The following USP32 variants were observed in gnomAD, a reference collection of about 807,000 sequenced individuals.
USP32 encodes the protein ubiquitin carboxyl-terminal hydrolase 32.
Under a neutral mutation model 204.8 loss-of-function variants are expected in USP32, and 59 were observed. The ratio of observed to expected loss-of-function variants is 0.29; its 90% CI spans 0.23 to 0.36. The LOEUF (loss-of-function observed/expected upper bound fraction) is 0.36. Ranked by LOEUF, USP32 falls within the 10% of genes least tolerant of loss-of-function variation. The pLI is 1.00. For missense variants in USP32, 1,160 were observed against 1,946.4 expected (o/e 0.60, Z 7.60); for synonymous variants, 517 against 678.4 (o/e 0.76, Z 3.70).
chr17:60,202,663 T>G, intron 26 of USP32, among the ~76,000 whole-genome samples: 1 of 152,036 alleles, frequency 6.6e-6, no homozygotes, highest in South Asian at 2.1e-4. Context: ...GTGTCATTTT[T>G]AAAGTTTATT....
At chr17:60,185,161 C>T (rs1407753841) in intron 30 of USP32, among the ~76,000 whole-genome samples, 1 of 152,204 alleles carries the variant, frequency 6.6e-6, no homozygotes. Flanking sequence ...TTTAACCTCT[C>T]TTGAAGTTCA....
chr17:60,190,136 A>C (rs2084341297), intron 29 of USP32, among the ~76,000 whole-genome samples: 1 of 152,162 alleles, frequency 6.6e-6, no homozygotes, highest in Non-Finnish European at 1.5e-5. Flanking sequence ...GCGGGCTGTT[A>C]GAAAGCGAGG....
intron 1 of USP32, among the ~76,000 whole-genome samples, chr17:60,377,257 T>C (rs1214526522): frequency 3.3e-5 from 5 of 152,162 alleles, no homozygotes; most frequent in Non-Finnish European, 1.5e-5. Context: ...GCCAAGAGTT[T>C]GAGACCAGCC....
intron 1 of USP32, among the ~76,000 whole-genome samples, chr17:60,388,912 C>G (rs2089780234): frequency 6.6e-6 from 1 of 152,192 alleles, no homozygotes; most frequent in Non-Finnish European, 1.5e-5. Context: ...TAACATAACA[C>G]TTCGTTTCCA....
At chr17:60,332,228 G>C (rs1468866047) in intron 2 of USP32, among the ~76,000 whole-genome samples, 1 of 152,068 alleles carries the variant, frequency 6.6e-6, no homozygotes, top group Non-Finnish European at 1.5e-5. Flanking sequence ...ACTCCAGCCT[G>C]GGTGACAGAG....
At chr17:60,341,939 T>G (rs2088669664) in intron 2 of USP32, among the ~76,000 whole-genome samples, 1 of 152,230 alleles carries the variant, frequency 6.6e-6, no homozygotes, top group Non-Finnish European at 1.5e-5. Context: ...CCTGCTTTGT[T>G]CTGTTGCTGG....
In USP32 at chr17:60,336,489, G is replaced by A. The variant is rs1260648373; in HGVS notation, c.186+8992C>T. On this transcript the variant is annotated intron_variant, in intron 2 of 33. Coordinates refer to ENST00000300896, the MANE Select transcript of USP32 (RefSeq NM_032582.4). Reference sequence around the variant, plus strand: ...CCAGCACTTTGGGAGGCCGAGGCGGGCGGATCACGAGGTCAAGAGATCGAG... The same window carrying A: ...CCAGCACTTTGGGAGGCCGAGGCGGACGGATCACGAGGTCAAGAGATCGAG... Among the ~76,000 whole-genome samples the A allele has an allele frequency of 3.5e-5, 5 of 141,602 alleles. 2 individuals carry two copies. Among genetic ancestry groups the A allele is most frequent in the Admixed American group, 2.1e-4 (3 of 14,614 alleles). 92.9% of individuals were successfully genotyped at this position (141,602 alleles called of 152,430 possible).
At chr17:60,339,952 CT>C (rs1277212540) in intron 2 of USP32, among the ~76,000 whole-genome samples, 1 of 152,162 alleles carries the variant, frequency 6.6e-6, no homozygotes, top group African/African-American at 2.4e-5. Flanking sequence ...CAACTGGCAG[CT>C]TGTGTAGTCC....
chr17:60,296,577 G>T (rs1376000419), intron 3 of USP32, among the ~76,000 whole-genome samples: 1 of 152,104 alleles, frequency 6.6e-6, no homozygotes, highest in East Asian at 1.9e-4. Flanking sequence ...ACTATGAGAC[G>T]GTAAATATCT....
At chr17:60,320,177 C>A (rs1054222221) in intron 2 of USP32, among the ~76,000 whole-genome samples, 5 of 152,032 alleles carry the variant, frequency 3.3e-5, no homozygotes, top group African/African-American at 1.2e-4. Flanking sequence ...CAAATGACAC[C>A]AGGTAGAATG....
At chr17:60,368,624 T>C (rs1353731131) in intron 1 of USP32, among the ~76,000 whole-genome samples, 1 of 151,972 alleles carries the variant, frequency 6.6e-6, no homozygotes, top group Non-Finnish European at 1.5e-5. Flanking sequence ...CAAAAACTAT[T>C]AAAACTAAGA....
At chr17:60,320,637 T>G (rs1167869896) in intron 2 of USP32, among the ~76,000 whole-genome samples, 2 of 152,202 alleles carry the variant, frequency 1.3e-5, no homozygotes, top group African/African-American at 4.8e-5. Flanking sequence ...TGATGTTTTT[T>G]TCATCAACAT....
At chr17:60,361,106 G>A (rs2089197651) in intron 1 of USP32, among the ~76,000 whole-genome samples, 1 of 152,130 alleles carries the variant, frequency 6.6e-6, no homozygotes, top group Non-Finnish European at 1.5e-5. Flanking sequence ...TCCAGCCTGG[G>A]CAACAGAGCA....
At chr17:60,403,840 G>A (rs2089954823) in intron 1 of USP32, among the ~76,000 whole-genome samples, 1 of 152,102 alleles carries the variant, frequency 6.6e-6, no homozygotes, top group Admixed American at 6.6e-5. Flanking sequence ...AGGAGTTCAA[G>A]ACCAGTCTGG....
intron 30 of USP32, among the ~76,000 whole-genome samples, chr17:60,183,893 T>C (rs2084178226): frequency 6.6e-6 from 1 of 152,220 alleles, no homozygotes; most frequent in African/African-American, 2.4e-5. Flanking sequence ...TTTTATGTGA[T>C]GATTATATGA....
intron 10 of USP32, 70 bp from the exon 11 acceptor site, chr17:60,252,512 T>C (rs1284408455): frequency 4.4e-5 from 51 of 1,162,150 alleles, no homozygotes; most frequent in Non-Finnish European, 6.1e-5. Context: ...ATGAGACCCA[T>C]TTCCTAAATT....
chr17:60,242,011 G>C (rs2085890474), intron 11 of USP32, among the ~76,000 whole-genome samples: 1 of 152,116 alleles, frequency 6.6e-6, no homozygotes, highest in Non-Finnish European at 1.5e-5. Context: ...TGATGTTTAG[G>C]TATAGGGAAT....
chr17:60,183,243 T>G lies in USP32; in HGVS notation c.4045A>C (p.Ser1349Arg). 1 of 1,614,028 alleles carries G rather than the reference T, an allele frequency of 6.2e-7. No individual in the cohort carries two copies. Among genetic ancestry groups the G allele is most frequent in the Non-Finnish European group, 8.5e-7 (1 of 1,179,870 alleles). ...AREVKKVDAQ[S>R]SAGEEDVLLS... is the part of the protein sequence containing the mutation. ...AGCACGTCCTCTTCCCCAGCCGAAC[T>G]CTGCGCATCCACTTTCTTCACCTCC... The change falls in exon 31 of 34, where the codon AGT becomes CGT. Residue 1349 changes from serine (S) to arginine (R), a missense_variant. By Grantham distance (110) the Ser-to-Arg change is moderately radical. Coordinates refer to ENST00000300896, the MANE Select transcript of USP32 (RefSeq NM_032582.4).
At chr17:60,280,917 A>G (rs2086952750) in intron 5 of USP32, among the ~76,000 whole-genome samples, 1 of 152,256 alleles carries the variant, frequency 6.6e-6, no homozygotes, top group Admixed American at 6.5e-5. Flanking sequence ...CTTAGCAGTA[A>G]TTCTGACTTT....
Sources: allele counts gnomAD v4.1 joint callset (sites outside exome capture counted in the v4.1 genomes callset), GRCh38; gene constraint gnomAD v4.1.1; transcripts MANE v1.5; gene names NCBI Gene and HGNC (gene_info 2026-07-23, HGNC 2026-07-21).